The following ANKFN1 variants were observed in gnomAD, a reference collection of about 807,000 sequenced individuals.
ANKFN1 encodes the protein ankyrin repeat and fibronectin type III domain containing 1, also known as ankyrin repeat and fibronectin type-III domain-containing protein 1.
A neutral mutation model predicts 108.7 loss-of-function variants in ANKFN1; 74 were observed. The ratio of observed to expected loss-of-function variants is 0.68; its 90% CI spans 0.56 to 0.83. The LOEUF (loss-of-function observed/expected upper bound fraction) is 0.83, where lower values mean the gene tolerates loss of function less well. ANKFN1 is among the 40% of genes least tolerant of loss of function. ANKFN1 has a pLI of 0.00. For missense variants in ANKFN1, 1,505 were observed against 1,382.3 expected, an observed-to-expected ratio of 1.09 and a Z score of -1.41; for synonymous variants, 547 against 516.2, an observed-to-expected ratio of 1.06 and a Z score of -0.81.
At chr17:56,366,100 C>T (rs2046654320) in intron 6 of ANKFN1, among the ~76,000 whole-genome samples, 2 of 151,966 alleles carry the variant, frequency 1.3e-5, no homozygotes, top group South Asian at 4.2e-4. Context: ...TAATGTTGAC[C>T]CTAGGCATAG....
intron 3 of ANKFN1, among the ~76,000 whole-genome samples, chr17:56,296,119 C>T (rs1440354059): frequency 6.6e-6 from 1 of 151,802 alleles, no homozygotes; most frequent in Non-Finnish European, 1.5e-5. Flanking sequence ...ATTGAAACCT[C>T]TTGCTGTTTG....
At chr17:56,484,778 C>T (rs534420369) in intron 18 of ANKFN1, among the ~76,000 whole-genome samples, 2 of 152,306 alleles carry the variant, frequency 1.3e-5, no homozygotes, top group East Asian at 3.9e-4. Context: ...GGAGAGCTAA[C>T]CAGGATTCCA....
chr17:56,256,313 G>C (rs770643401), intron 3 of ANKFN1, among the ~76,000 whole-genome samples: 24 of 152,184 alleles, frequency 1.6e-4, no homozygotes, highest in Non-Finnish European at 3.1e-4. Flanking sequence ...TGTGGAATAA[G>C]AACAATGTAA....
intron 20 of ANKFN1, among the ~76,000 whole-genome samples, chr17:56,502,857 G>A (rs1048009861): frequency 1.1e-4 from 17 of 152,214 alleles, no homozygotes; most frequent in Admixed American, 1.3e-4. Context: ...AGGCTGTTGA[G>A]TATCTTGAAT....
chr17:56,170,803 T>TACACACACACACACACACACACAC (rs1160259097), intron 1 of ANKFN1, among the ~76,000 whole-genome samples: 72 of 68,010 alleles, frequency 1.1e-3, no homozygotes, highest in Non-Finnish European at 1.7e-3. Flanking sequence ...TATATATATA[T>TACACACACACACACACACACACAC]ATATACACAC....
At chr17:56,444,136 T>C (rs1316702616) in intron 10 of ANKFN1, among the ~76,000 whole-genome samples, 1 of 152,208 alleles carries the variant, frequency 6.6e-6, no homozygotes, top group African/African-American at 2.4e-5. Context: ...AATTTAGTAT[T>C]AAAGTATGAT....
chr17:56,252,593 T>C (rs980564402), intron 3 of ANKFN1, among the ~76,000 whole-genome samples: 9 of 151,124 alleles, frequency 6.0e-5, no homozygotes, highest in African/African-American at 2.2e-4. Flanking sequence ...CTGGGCAACG[T>C]AGTGAGACAC....
chr17:56,065,795 C>T (rs1251977079), intron 4 of ANKFN1, among the ~76,000 whole-genome samples: 1 of 151,130 alleles, frequency 6.6e-6, no homozygotes, highest in Non-Finnish European at 1.5e-5. Context: ...TTGTAGGTCA[C>T]CATAACAGAT....
chr17:56,058,210 G>T (rs1280228715), intron 4 of ANKFN1, among the ~76,000 whole-genome samples: 2 of 152,196 alleles, frequency 1.3e-5, no homozygotes, highest in African/African-American at 2.4e-5. Context: ...TTGAAGCTTT[G>T]AAGCCAAGCA....
chr17:56,472,651 G>A (rs1259369883), intron 15 of ANKFN1: 2 of 152,138 alleles, frequency 1.3e-5, no homozygotes, highest in African/African-American at 2.4e-5. Context: ...TACTTTTAAG[G>A]AATTCAGTCA....
chr17:56,311,710 CA>C (rs1462622979), intron 3 of ANKFN1, among the ~76,000 whole-genome samples: 1 of 152,028 alleles, frequency 6.6e-6, no homozygotes, highest in African/African-American at 2.4e-5. Context: ...ACAAAATTAG[CA>C]AAAAGTGTTG....
intron 3 of ANKFN1, among the ~76,000 whole-genome samples, chr17:56,292,906 A>G (rs765754290): frequency 7.2e-5 from 11 of 152,172 alleles, no homozygotes; most frequent in Non-Finnish European, 1.3e-4. Context: ...TTATAATTAC[A>G]ATGTCTTTCC....
chr17:56,189,525 G>A (rs924143793), intron 1 of ANKFN1, among the ~76,000 whole-genome samples: 2 of 152,184 alleles, frequency 1.3e-5, no homozygotes, highest in Non-Finnish European at 2.9e-5. Context: ...GGAAGGGGAT[G>A]CAGGGACCCT....
intron 3 of ANKFN1, among the ~76,000 whole-genome samples, chr17:56,244,351 A>G (rs1393338420): frequency 6.6e-6 from 1 of 152,116 alleles, no homozygotes; most frequent in Admixed American, 6.6e-5. Context: ...ATATTTCCTC[A>G]GTAAGATTTG....
rs1216364451 is a variant in ANKFN1, at chr17:56,477,563, A to G, written c.1849A>G (p.Ser617Gly). ...ATATCTGGGTTACCTAAAGCTCTGTAGCTCTGTGGATCAAATCAAAGTTCT... is the reference window on the plus strand; with the variant it reads ...ATATCTGGGTTACCTAAAGCTCTGTGGCTCTGTGGATCAAATCAAAGTTCT... ...GLYLGYLKLC[S>G]SVDQIKVLVT... The change falls in exon 16 of 21, where the codon AGC becomes GGC. Residue 617 changes from serine to glycine, a missense_variant. Coordinates refer to ENST00000682825, the MANE Select transcript of ANKFN1 (RefSeq NM_001370326.1). The G allele has an allele frequency of 1.2e-6, 2 of 1,612,474 alleles. No homozygotes were observed. The highest frequency in any genetic ancestry group is 2.2e-5 in the South Asian group (2 of 91,026).
At chr17:56,096,274 A>G (rs1905532356) in intron 4 of ANKFN1, among the ~76,000 whole-genome samples, 1 of 152,154 alleles carries the variant, frequency 6.6e-6, no homozygotes, top group Non-Finnish European at 1.5e-5. Context: ...GACCTGACCT[A>G]TTACTGGTAC....
chr17:56,489,694 C>A (rs1001909832), intron 18 of ANKFN1, among the ~76,000 whole-genome samples: 1 of 151,962 alleles, frequency 6.6e-6, no homozygotes, highest in Non-Finnish European at 1.5e-5. Context: ...CCTATTTTTC[C>A]AGTCATATTT....
intron 4 of ANKFN1, among the ~76,000 whole-genome samples, chr17:56,332,706 T>C (rs2144573955): frequency 6.6e-6 from 1 of 152,272 alleles, no homozygotes; most frequent in South Asian, 2.1e-4. Context: ...TCTAATCCTG[T>C]ATGTCTTAAT....
intron 20 of ANKFN1, among the ~76,000 whole-genome samples, chr17:56,506,807 C>T (rs545161188): frequency 1.1e-4 from 17 of 152,026 alleles, no homozygotes; most frequent in Admixed American, 2.6e-4. Context: ...TGGATGGCAG[C>T]ATAGCAAGTC....
Sources: gnomAD v4.1 joint callset for allele counts (sites outside exome capture counted in the v4.1 genomes callset) on GRCh38, gnomAD v4.1.1 for gene constraint, MANE v1.5 for transcripts, NCBI Gene and HGNC (gene_info 2026-07-23, HGNC 2026-07-21) for gene names.